The following CKMT2 variants were observed in gnomAD, a reference collection of about 807,000 sequenced individuals.
CKMT2 encodes the protein creatine kinase S-type, mitochondrial.
A neutral mutation model predicts 48.9 loss-of-function variants in CKMT2; 43 were observed. That is an observed-to-expected ratio of 0.88 (90% CI 0.69 to 1.13). The LOEUF (loss-of-function observed/expected upper bound fraction) is 1.13, where lower values mean the gene tolerates loss of function less well. Ranked by LOEUF, CKMT2 falls within the 50% of genes most tolerant of loss-of-function variation. The pLI is 0.00. For synonymous variants in CKMT2, 206 were observed against 213.0 expected, an observed-to-expected ratio of 0.97 and a Z score of 0.29; for missense variants, 472 against 555.4, an observed-to-expected ratio of 0.85 and a Z score of 1.51.
chr5:81,243,965 T>A (rs1756523467), intron 1 of CKMT2: 1 of 932,306 alleles, frequency 1.1e-6, no homozygotes, highest in African/African-American at 1.8e-5. Context: ...AGTGCTGGGA[T>A]TACAGGCATA....
At chr5:81,235,198 T>G (rs1451781459) in intron 1 of CKMT2, among the ~76,000 whole-genome samples, 1 of 152,222 alleles carries the variant, frequency 6.6e-6, no homozygotes, top group Non-Finnish European at 1.5e-5. Flanking sequence ...GGATTCTAAA[T>G]ATCTCCTTCC....
At chr5:81,266,397 T>TATC in exon 10 of CKMT2, 1 of 738,644 alleles carries the variant, frequency 1.4e-6, no homozygotes, top group African/African-American at 1.8e-5. Flanking sequence ...CTCCTTAATA[T>TATC]ATCTTTGCTT....
Position 81,247,979 on chromosome 5 carries a change from AAATT to A in CKMT2, c.-20-3127_-20-3124del, listed in dbSNP as rs200339680. Among the ~76,000 whole-genome samples the A allele has an allele frequency of 8.5e-5, 13 of 152,224 alleles. No homozygotes were observed. The East Asian group carries it at 1.9e-3, about 23-fold the overall frequency. ...GAACTTGGAATAAAATAATAATTATAAATTAATTAAATTAGTTCCTTCCAGGAAC... is the reference window on the plus strand; with the variant it reads ...GAACTTGGAATAAAATAATAATTATAAATTAAATTAGTTCCTTCCAGGAAC... On this transcript the variant is annotated intron_variant, in intron 1 of 9. Transcript: ENST00000254035.
At position 81,240,250 on chromosome 5, in the gene CKMT2, G is replaced by T. The variant is rs141381319; in HGVS notation, c.-21+6873G>T. Among the ~76,000 whole-genome samples the T allele has an allele frequency of 1.7e-4, 26 of 152,232 alleles. No individual in the cohort carries two copies. In the East Asian group the frequency reaches 3.7e-3, roughly 21 times the overall value. On this transcript the variant is annotated intron_variant, in intron 1 of 9. Transcript: ENST00000254035. ...CCTGGAGTGACACCTGTGTGCTGTG[G>T]GCATTTTGGCCCCATACTTAGCCTC... is the stretch of plus-strand genomic sequence containing the variant.
At chr5:81,263,040 C>T (rs1400868379) in intron 8 of CKMT2, among the ~76,000 whole-genome samples, 1 of 152,072 alleles carries the variant, frequency 6.6e-6, no homozygotes, top group African/African-American at 2.4e-5. Context: ...ATGGATGAAG[C>T]TGGAAACCAT....
chr5:81,234,017 TAATTAA>T (rs68123705), intron 1 of CKMT2, among the ~76,000 whole-genome samples: 6,753 of 105,134 alleles, frequency 0.064, 164 homozygotes, highest in Admixed American at 0.095. Context: ...CACCGGAGGT[TAATTAA>T]AAAAAAAAAA....
intron 1 of CKMT2, among the ~76,000 whole-genome samples, chr5:81,247,217 A>G (rs1756642357): frequency 6.6e-6 from 1 of 152,194 alleles, no homozygotes; most frequent in Admixed American, 6.5e-5. Context: ...GGAACTGAAA[A>G]CGTTAAAAAA....
intron 2 of CKMT2, chr5:81,252,312 C>T (rs1305308300): frequency 4.1e-6 from 1 of 241,640 alleles, no homozygotes; most frequent in East Asian, 1.1e-4. Context: ...CCAGCAACCC[C>T]CATGTACCTT....
chr5:81,248,768 C>T (rs372982612), intron 1 of CKMT2, among the ~76,000 whole-genome samples: 1 of 152,194 alleles, frequency 6.6e-6, no homozygotes, highest in Non-Finnish European at 1.5e-5. Context: ...AACCTATATC[C>T]TGTAACCCCT....
chr5:81,256,829 T>C, intron 5 of CKMT2, 86 bp from the exon 6 acceptor site: 1 of 888,648 alleles, frequency 1.1e-6, no homozygotes, highest in Non-Finnish European at 1.8e-6. Flanking sequence ...CCATGATAAG[T>C]GGGTTGGAAC....
At position 81,263,485 on chromosome 5, in the gene CKMT2, TCC is replaced by T; in HGVS notation, c.1015-5_1015-4del. ...AGCACATTTAAGTATTATCCCTTTGTCCTAGGACCCACGCTTTTCTAAGATCC... is the reference window on the plus strand; with the variant it reads ...AGCACATTTAAGTATTATCCCTTTGTTAGGACCCACGCTTTTCTAAGATCC... On this transcript the variant is annotated splice_region_variant and splice_polypyrimidine_tract_variant and intron_variant, in intron 8 of 9. Coordinates refer to ENST00000254035, the MANE Select transcript of CKMT2 (RefSeq NM_001099735.2). 1.9e-6 allele frequency: 3 copies of T among 1,611,576 alleles called. No individual in the cohort carries two copies. The highest frequency in any genetic ancestry group is 2.5e-6 in the Non-Finnish European group (3 of 1,178,488).
chr5:81,257,150 G>A (rs1039028114), intron 6 of CKMT2, 150 bp downstream of exon 6: 1 of 193,332 alleles, frequency 5.2e-6, no homozygotes, highest in African/African-American at 5.3e-5. Context: ...AAGTGTGTGT[G>A]TGTGTGTGTG....
intron 7 of CKMT2, among the ~76,000 whole-genome samples, chr5:81,258,633 G>GT (rs1026661873): frequency 1.3e-4 from 20 of 152,282 alleles, no homozygotes; most frequent in African/African-American, 4.6e-4. Flanking sequence ...ACAGCAGGAG[G>GT]TGAGTGGTGG....
intron 2 of CKMT2, 69 bp downstream of exon 2, chr5:81,251,353 T>C: frequency 2.0e-6 from 3 of 1,522,872 alleles, no homozygotes; most frequent in Admixed American, 1.7e-5. Flanking sequence ...TCCCAGCACT[T>C]TGGAAGGCCA....
intron 8 of CKMT2, among the ~76,000 whole-genome samples, chr5:81,260,289 C>CTAA (rs1757169110): frequency 6.6e-6 from 1 of 152,098 alleles, no homozygotes; most frequent in Non-Finnish European, 1.5e-5. Context: ...AATCGACACC[C>CTAA]TAACATCACA....
At chr5:81,248,273 T>C (rs1756679063) in intron 1 of CKMT2, among the ~76,000 whole-genome samples, 1 of 152,234 alleles carries the variant, frequency 6.6e-6, no homozygotes, top group Admixed American at 6.5e-5. Flanking sequence ...AGGAACATAC[T>C]TCCTGTTAGC....
chr5:81,261,114 AC>A (rs1381633226), intron 8 of CKMT2, among the ~76,000 whole-genome samples: 3 of 152,192 alleles, frequency 2.0e-5, no homozygotes, highest in Non-Finnish European at 4.4e-5. Flanking sequence ...AATGACAAAA[AC>A]CACATGATTA....
chr5:81,264,235 A>G (rs1190003864), intron 9 of CKMT2, among the ~76,000 whole-genome samples: 3 of 152,222 alleles, frequency 2.0e-5, no homozygotes, highest in Admixed American at 2.0e-4. Flanking sequence ...TGAGGCAAAA[A>G]GATCACATGT....
intron 1 of CKMT2, among the ~76,000 whole-genome samples, chr5:81,241,622 CAAAT>C (rs1157610101): frequency 2.0e-5 from 3 of 152,200 alleles, no homozygotes; most frequent in African/African-American, 7.2e-5. Flanking sequence ...TTAGCGAACA[CAAAT>C]GGTCACCAGG....
Sources: allele counts gnomAD v4.1 joint callset (sites outside exome capture counted in the v4.1 genomes callset), GRCh38; gene constraint gnomAD v4.1.1; transcripts MANE v1.5; gene names NCBI Gene and HGNC (gene_info 2026-07-23, HGNC 2026-07-21).